The following TRAPPC9 variants were observed in gnomAD, a reference collection of about 807,000 sequenced individuals.
The protein encoded by TRAPPC9 is IKK2 binding protein.
Under a neutral mutation model 124.0 loss-of-function variants are expected in TRAPPC9, and 83 were observed. That is an observed-to-expected ratio of 0.67 (90% CI 0.56 to 0.80). The LOEUF (loss-of-function observed/expected upper bound fraction) is 0.80, where lower values mean the gene tolerates loss of function less well. Among genes scored for constraint, TRAPPC9 ranks in the 30% least tolerant of loss-of-function variants. The probability of loss-of-function intolerance (pLI) is 0.00; values close to 1 mark genes in which losing one functional copy is unlikely to be tolerated. For missense variants in TRAPPC9, 1,302 were observed against 1,508.3 expected (o/e 0.86, Z 2.27); for synonymous variants, 638 against 617.5 (o/e 1.03, Z -0.49).
At chr8:140,141,852 A>C (rs2130777757) in intron 17 of TRAPPC9, among the ~76,000 whole-genome samples, 1 of 152,336 alleles carries the variant, frequency 6.6e-6, no homozygotes, top group South Asian at 2.1e-4. Flanking sequence ...ACCTTGACCA[A>C]TATTAATTAG....
chr8:139,811,076 C>T (rs191923409), intron 21 of TRAPPC9, among the ~76,000 whole-genome samples: 227 of 152,224 alleles, frequency 1.5e-3, no homozygotes, highest in African/African-American at 5.3e-3. Context: ...ATTCACAGAA[C>T]AAAGAAACCT....
chr8:140,171,600 G>A (rs913779043), intron 17 of TRAPPC9, among the ~76,000 whole-genome samples: 2 of 152,188 alleles, frequency 1.3e-5, no homozygotes, highest in Non-Finnish European at 2.9e-5. Context: ...TACCTGTCGA[G>A]TCAAAGCGCA....
intron 19 of TRAPPC9, among the ~76,000 whole-genome samples, chr8:139,973,707 A>C (rs1446869098): frequency 6.6e-6 from 1 of 152,196 alleles, no homozygotes; most frequent in African/African-American, 2.4e-5. Context: ...GCACCAGGGA[A>C]AAGTCGAAGG....
chr8:139,735,510 C>T (rs1818100009), intron 21 of TRAPPC9, among the ~76,000 whole-genome samples: 2 of 152,168 alleles, frequency 1.3e-5, no homozygotes, highest in South Asian at 4.1e-4. Context: ...GAACAGTGAA[C>T]CGAACCAGGC....
At chr8:140,443,450 A>G (rs1197711925) in intron 2 of TRAPPC9, among the ~76,000 whole-genome samples, 2 of 151,830 alleles carry the variant, frequency 1.3e-5, no homozygotes, top group African/African-American at 4.8e-5. Flanking sequence ...AAAAAAAAAG[A>G]AGTCTTTGTA....
chr8:140,130,547 A>C (rs554718951), intron 17 of TRAPPC9, among the ~76,000 whole-genome samples: 13 of 152,380 alleles, frequency 8.5e-5, no homozygotes, highest in Admixed American at 7.2e-4. Flanking sequence ...AACATTAAAG[A>C]AAGCCTGAGG....
intron 15 of TRAPPC9, among the ~76,000 whole-genome samples, chr8:140,254,354 T>C (rs1488960812): frequency 6.6e-6 from 1 of 152,082 alleles, no homozygotes; most frequent in East Asian, 1.9e-4. Context: ...GCCCTCCCTC[T>C]CCATACCCCA....
chr8:139,886,379 G>A (rs1021187269), intron 20 of TRAPPC9, among the ~76,000 whole-genome samples: 2 of 152,196 alleles, frequency 1.3e-5, no homozygotes, highest in Non-Finnish European at 2.9e-5. Context: ...CTGGTTTCAC[G>A]TCGGTCCTGT....
At chr8:140,455,854 T>G (rs1299468198) in intron 1 of TRAPPC9, among the ~76,000 whole-genome samples, 3 of 152,204 alleles carry the variant, frequency 2.0e-5, no homozygotes, top group African/African-American at 7.2e-5. Context: ...AACAAAGTGC[T>G]GATGTAAGCC....
intron 17 of TRAPPC9, among the ~76,000 whole-genome samples, chr8:140,160,828 T>G (rs1282952823): frequency 2.1e-5 from 3 of 145,308 alleles, no homozygotes; most frequent in Non-Finnish European, 4.7e-5. Flanking sequence ...AGCTTGAAGA[T>G]TCCTGAAAAA....
intron 19 of TRAPPC9, among the ~76,000 whole-genome samples, chr8:139,974,867 T>C (rs1422890099): frequency 6.6e-6 from 1 of 151,920 alleles, no homozygotes; most frequent in Non-Finnish European, 1.5e-5. Flanking sequence ...TGCCTCTCCC[T>C]CTCCGCCTTG....
intron 14 of TRAPPC9, among the ~76,000 whole-genome samples, chr8:140,283,016 T>C (rs1015801828): frequency 3.3e-5 from 5 of 151,964 alleles, no homozygotes; most frequent in African/African-American, 7.3e-5. Flanking sequence ...GATGGGTGGA[T>C]TGTTTGAACC....
chr8:140,165,786 C>G (rs563395706), intron 17 of TRAPPC9, among the ~76,000 whole-genome samples: 102 of 152,098 alleles, frequency 6.7e-4, no homozygotes, highest in South Asian at 2.3e-3. Flanking sequence ...ACCAAAGCAA[C>G]CTGCCCGGAG....
chr8:139,971,722 TACACACACACACACAC>T (rs577564731), intron 19 of TRAPPC9, among the ~76,000 whole-genome samples: 1 of 115,962 alleles, frequency 8.6e-6, no homozygotes, highest in Non-Finnish European at 1.9e-5. Flanking sequence ...TATATATATA[TACACACACACACACAC>T]ATATATATAT....
intron 17 of TRAPPC9, among the ~76,000 whole-genome samples, chr8:140,207,894 T>C (rs2062964853): frequency 6.6e-6 from 1 of 152,174 alleles, no homozygotes; most frequent in African/African-American, 2.4e-5. Context: ...GGCTCATGCC[T>C]TAATCCCAGC....
rs1221639129 is a variant in TRAPPC9 at position 140,087,273 on chromosome 8, T to C, written c.2557-63194A>G. Among the ~76,000 whole-genome samples, 5 of 152,038 alleles carry C rather than the reference T, an allele frequency of 3.3e-5. No individual in the cohort carries two copies. Among genetic ancestry groups the C allele is most frequent in the Admixed American group, 2.0e-4 (3 of 15,266 alleles). ...TGCCCTCCCCCCGGCCCCATCACCC[T>C]GCAGATGTCGGGGTGCCTCGAAAGC... On this transcript the variant is annotated intron_variant, in intron 17 of 22. Coordinates refer to ENST00000438773, the MANE Select transcript of TRAPPC9 (RefSeq NM_001160372.4). The surrounding 1 kb of genome is among the most constrained non-coding windows in gnomAD (Gnocchi z 4.6).
chr8:140,456,181 G>A (rs1192603349), intron 1 of TRAPPC9, among the ~76,000 whole-genome samples: 4 of 152,124 alleles, frequency 2.6e-5, no homozygotes, highest in African/African-American at 9.7e-5. Flanking sequence ...AGGCCAAGGC[G>A]GGTGGATCAC....
chr8:140,119,189 G>GC (rs2060942567), intron 17 of TRAPPC9, among the ~76,000 whole-genome samples: 1 of 152,230 alleles, frequency 6.6e-6, no homozygotes. Flanking sequence ...GCCAAACCAC[G>GC]CCAGGCGTGG....
At chr8:139,786,085 G>C (rs1428319613) in intron 21 of TRAPPC9, among the ~76,000 whole-genome samples, 3 of 152,124 alleles carry the variant, frequency 2.0e-5, no homozygotes, top group Admixed American at 1.3e-4. Flanking sequence ...GCGGGCGCCT[G>C]TAATTCCAGC....
Sources: allele counts gnomAD v4.1 joint callset (sites outside exome capture counted in the v4.1 genomes callset), GRCh38; gene constraint gnomAD v4.1.1; non-coding constraint Gnocchi (gnomAD v3.1); transcripts MANE v1.5; gene names NCBI Gene and HGNC (gene_info 2026-07-23, HGNC 2026-07-21).